The following FAM53B variants were observed in gnomAD, a reference collection of about 807,000 sequenced individuals.
The protein encoded by FAM53B is family with sequence similarity 53 member B.
In FAM53B, 12 loss-of-function variants were observed where a neutral mutation model predicts 32.7. The ratio of observed to expected loss-of-function variants is 0.37; its 90% CI spans 0.24 to 0.59. FAM53B has a LOEUF of 0.59. Among genes scored for constraint, FAM53B ranks in the 20% least tolerant of loss-of-function variants. The pLI, the probability that FAM53B is intolerant of heterozygous loss-of-function variation, is 0.72. For synonymous variants in FAM53B, 234 were observed against 228.7 expected, an observed-to-expected ratio of 1.02 and a Z score of -0.21; for missense variants, 477 against 577.7, an observed-to-expected ratio of 0.83 and a Z score of 1.79.
Position 124,623,215 on chromosome 10 carries a change from C to A in FAM53B, c.*27G>T. The A allele has an allele frequency of 6.4e-7, 1 of 1,561,062 alleles. No individual in the cohort carries two copies. Among genetic ancestry groups the A allele is most frequent in the Non-Finnish European group, 8.7e-7 (1 of 1,151,946 alleles). On this transcript the variant is annotated 3_prime_UTR_variant, in exon 5 of 5. Transcript: ENST00000337318. ...GTGGGGGCTGTCGATGCCAGCACAC[C>A]CCAGCCCTGCCTGGGCCCACACCCC... is the stretch of plus-strand genomic sequence containing the variant.
At chr10:124,627,513 T>G (rs995610366) in intron 4 of FAM53B, among the ~76,000 whole-genome samples, 1 of 152,122 alleles carries the variant, frequency 6.6e-6, no homozygotes, top group African/African-American at 2.4e-5. Context: ...CGACTTCTGC[T>G]CTCTTGACAT....
chr10:124,662,446 CCACA>C, intron 4 of FAM53B, among the ~76,000 whole-genome samples: 1 of 139,926 alleles, frequency 7.1e-6, no homozygotes, highest in Admixed American at 7.6e-5. Flanking sequence ...ATCCACCCAC[CCACA>C]CACCCACCCA....
At chr10:124,685,373 CGGAGCGGGG>C (rs1949796120) in intron 3 of FAM53B, among the ~76,000 whole-genome samples, 1 of 152,246 alleles carries the variant, frequency 6.6e-6, no homozygotes, top group Non-Finnish European at 1.5e-5. Context: ...GAGCCAGGGT[CGGAGCGGGG>C]GCCCACAGCC....
At chr10:124,667,328 G>A (rs997630632) in intron 4 of FAM53B, 2 of 703,920 alleles carry the variant, frequency 2.8e-6, no homozygotes, top group Non-Finnish European at 5.3e-6. Context: ...AATTATATAT[G>A]TGGCTTGAGT....
chr10:124,740,733 G>A (rs767117523), intron 1 of FAM53B, among the ~76,000 whole-genome samples: 1 of 152,220 alleles, frequency 6.6e-6, no homozygotes, highest in Non-Finnish European at 1.5e-5. Context: ...CTCCCTGGAT[G>A]ATCAGACTGA....
chr10:124,649,956 C>G (rs925408329), intron 4 of FAM53B, among the ~76,000 whole-genome samples: 3 of 152,136 alleles, frequency 2.0e-5, no homozygotes, highest in African/African-American at 7.2e-5. Context: ...CGGCCCAGGG[C>G]AGTCACTTGC....
chr10:124,734,177 T>A (rs560022469), intron 1 of FAM53B, among the ~76,000 whole-genome samples: 1 of 152,372 alleles, frequency 6.6e-6, no homozygotes, highest in Admixed American at 6.5e-5. Context: ...TTTATTACAC[T>A]GTGTCTAGCA....
At chr10:124,634,254 G>A (rs185689501) in intron 4 of FAM53B, among the ~76,000 whole-genome samples, 14 of 152,354 alleles carry the variant, frequency 9.2e-5, no homozygotes, top group African/African-American at 3.4e-4. Context: ...ACATGCTACG[G>A]TGTGGATGAC....
intron 1 of FAM53B, among the ~76,000 whole-genome samples, chr10:124,725,247 T>C (rs932116732): frequency 1.3e-4 from 20 of 152,230 alleles, no homozygotes; most frequent in African/African-American, 4.6e-4. Flanking sequence ...GATGTGAGCA[T>C]GGCTGACTGT....
chr10:124,675,967 A>T (rs1205516855), intron 4 of FAM53B, among the ~76,000 whole-genome samples: 1 of 152,136 alleles, frequency 6.6e-6, no homozygotes, highest in Admixed American at 6.5e-5. Flanking sequence ...GGATTCTAAG[A>T]CCTCCACTAA....
At chr10:124,652,756 G>A (rs1949564607) in intron 4 of FAM53B, among the ~76,000 whole-genome samples, 1 of 152,138 alleles carries the variant, frequency 6.6e-6, no homozygotes, top group African/African-American at 2.4e-5. Flanking sequence ...CCAGTTCGGG[G>A]TCCACTTCCT....
At chr10:124,702,430 G>A (rs979325229) in intron 2 of FAM53B, among the ~76,000 whole-genome samples, 4 of 152,138 alleles carry the variant, frequency 2.6e-5, no homozygotes, top group South Asian at 2.1e-4. Context: ...ATTCTGTCCC[G>A]TGGATGTCAT....
chr10:124,663,291 G>A (rs1180359672), intron 4 of FAM53B, among the ~76,000 whole-genome samples: 1 of 152,218 alleles, frequency 6.6e-6, no homozygotes. Flanking sequence ...GCCAAAGGAG[G>A]TACAGAGCTC....
chr10:124,632,240 C>T (rs761966990), intron 4 of FAM53B, among the ~76,000 whole-genome samples: 11 of 152,244 alleles, frequency 7.2e-5, no homozygotes, highest in Non-Finnish European at 1.5e-4. Context: ...TGGGAGCTGA[C>T]GCCAAAGGGC....
intron 3 of FAM53B, among the ~76,000 whole-genome samples, chr10:124,686,678 T>A (rs1949804935): frequency 6.6e-6 from 1 of 152,260 alleles, no homozygotes; most frequent in South Asian, 2.1e-4. Context: ...ATAGCCCCAG[T>A]GTGGCTCCCC....
At chr10:124,694,053 C>A (rs1409534312) in intron 3 of FAM53B, among the ~76,000 whole-genome samples, 2 of 152,182 alleles carry the variant, frequency 1.3e-5, no homozygotes, top group Non-Finnish European at 2.9e-5. Context: ...AAGATGAGAC[C>A]CATGGAGAGA....
intron 1 of FAM53B, among the ~76,000 whole-genome samples, chr10:124,725,858 G>A (rs1004425826): frequency 6.6e-6 from 1 of 152,178 alleles, no homozygotes; most frequent in Non-Finnish European, 1.5e-5. Flanking sequence ...AAAATAAGAT[G>A]CAGTGGGAAA....
intron 4 of FAM53B, among the ~76,000 whole-genome samples, chr10:124,665,211 G>A (rs1386789373): frequency 6.6e-6 from 1 of 152,150 alleles, no homozygotes; most frequent in Non-Finnish European, 1.5e-5. Flanking sequence ...CAAAGGCGTG[G>A]GCATAGCCTT....
chr10:124,727,101 G>A (rs919257688), intron 1 of FAM53B, among the ~76,000 whole-genome samples: 4 of 152,008 alleles, frequency 2.6e-5, no homozygotes, highest in East Asian at 1.9e-4. Flanking sequence ...TCACTGCAAC[G>A]TCCGCCTCCC....
Sources: gnomAD v4.1 joint callset for allele counts (sites outside exome capture counted in the v4.1 genomes callset) on GRCh38, gnomAD v4.1.1 for gene constraint, MANE v1.5 for transcripts, NCBI Gene and HGNC (gene_info 2026-07-23, HGNC 2026-07-21) for gene names.